The following LMNB1 variants were observed in gnomAD, a reference collection of about 807,000 sequenced individuals.
The protein encoded by LMNB1 is lamin-B1.
In LMNB1, 23 loss-of-function variants were observed where a neutral mutation model predicts 67.1. That is an observed-to-expected ratio of 0.34 (90% CI 0.25 to 0.49). The LOEUF is 0.49. Among genes scored for constraint, LMNB1 ranks in the 20% least tolerant of loss-of-function variants. LMNB1 has a pLI of 0.99. For synonymous variants in LMNB1, 281 were observed against 282.9 expected, an observed-to-expected ratio of 0.99 and a Z score of 0.07; for missense variants, 634 against 746.5, an observed-to-expected ratio of 0.85 and a Z score of 1.76.
At chr5:126,805,736 G>A in intron 3 of LMNB1, 40 bp downstream of exon 3, 1 of 1,441,530 alleles carries the variant, frequency 6.9e-7, no homozygotes, top group Non-Finnish European at 9.4e-7. Context: ...GAATGGAGGG[G>A]TTCTAGAATG....
At chr5:126,831,861 C>T (rs1752141925) in intron 9 of LMNB1, among the ~76,000 whole-genome samples, 1 of 152,056 alleles carries the variant, frequency 6.6e-6, no homozygotes, top group African/African-American at 2.4e-5. Flanking sequence ...GTACTTCCTC[C>T]CCTGCAGGAA....
At chr5:126,788,456 G>A (rs534069536) in intron 1 of LMNB1, among the ~76,000 whole-genome samples, 1 of 152,242 alleles carries the variant, frequency 6.6e-6, no homozygotes, top group South Asian at 2.1e-4. Context: ...GGGCAACATG[G>A]CGAAACCCCG....
intron 1 of LMNB1, among the ~76,000 whole-genome samples, chr5:126,791,036 T>C (rs1460752741): frequency 6.6e-6 from 1 of 151,454 alleles, no homozygotes; most frequent in African/African-American, 2.4e-5. Flanking sequence ...AATAAATAAA[T>C]AAACAAATAA....
intron 1 of LMNB1, among the ~76,000 whole-genome samples, chr5:126,799,314 G>A (rs1392306552): frequency 6.6e-6 from 1 of 152,192 alleles, no homozygotes; most frequent in East Asian, 1.9e-4. Context: ...GCCCGGCCGC[G>A]ATGCATTGAC....
intron 1 of LMNB1, among the ~76,000 whole-genome samples, chr5:126,785,739 A>C (rs62391737): frequency 0.58 from 72,560 of 125,726 alleles, 17,657 homozygotes; most frequent in Middle Eastern, 0.63. Context: ...TTAGGTTGGG[A>C]CCAGCGGCTC....
At chr5:126,823,331 A>G (rs1267416783) in intron 8 of LMNB1, among the ~76,000 whole-genome samples, 3 of 152,174 alleles carry the variant, frequency 2.0e-5, no homozygotes, top group Non-Finnish European at 2.9e-5. Flanking sequence ...GTTTTGAATA[A>G]AAGTCCTTAG....
At chr5:126,821,275 C>A in intron 7 of LMNB1, 140 bp downstream of exon 7, 3 of 594,826 alleles carry the variant, frequency 5.0e-6, no homozygotes, top group Non-Finnish European at 3.0e-6. Flanking sequence ...TACTTAAATT[C>A]ATAAAATAAA....
intron 8 of LMNB1, among the ~76,000 whole-genome samples, 167 bp from the exon 9 acceptor site, chr5:126,825,819 TGA>T (rs1751980768): frequency 6.6e-6 from 1 of 152,208 alleles, no homozygotes; most frequent in African/African-American, 2.4e-5. Context: ...GCTGAGGCCT[TGA>T]GAAGCTCTGT....
chr5:126,778,263 C>T (rs1463175468), intron 1 of LMNB1, among the ~76,000 whole-genome samples: 1 of 151,982 alleles, frequency 6.6e-6, no homozygotes, highest in East Asian at 2.0e-4. Flanking sequence ...GTGCGCGCCC[C>T]AGTTTCCGGC....
intron 1 of LMNB1, among the ~76,000 whole-genome samples, chr5:126,798,359 T>A (rs1474398310): frequency 6.8e-6 from 1 of 147,264 alleles, no homozygotes; most frequent in Admixed American, 6.8e-5. Flanking sequence ...CTGAGGCAGG[T>A]GAATGGCGTG....
In LMNB1 at chr5:126,810,334, A is replaced by G; in HGVS notation, c.797A>G (p.Gln266Arg). The G allele has an allele frequency of 1.2e-6, 2 of 1,607,030 alleles. No homozygotes were observed. The highest frequency in any genetic ancestry group is 1.1e-5 in the South Asian group (1 of 90,744). Residue 266 changes from glutamine (Q) to arginine (R), a missense_variant, in exon 4 of 11, where the codon CAG becomes CGG. Coordinates refer to ENST00000261366, the MANE Select transcript of LMNB1 (RefSeq NM_005573.4). Reference protein sequence around the residue: ...QVRLYKEELEQTYHAKLENAR... With the variant: ...QVRLYKEELERTYHAKLENAR... ...AGGCTGTATAAGGAGGAGCTGGAGC[A>G]GACTTACCATGCCAAAGTGAGCTCT...
chr5:126,834,704 G>A (rs569479634), intron 10 of LMNB1, among the ~76,000 whole-genome samples: 42 of 152,214 alleles, frequency 2.8e-4, no homozygotes, highest in African/African-American at 1.0e-3. Context: ...GTGAAACCCC[G>A]TCTCTACTAA....
chr5:126,777,785 C>A lies in LMNB1; in HGVS notation c.277C>A (p.Leu93Ile). 6.6e-7 allele frequency: 1 copy of A among 1,507,166 alleles called. No homozygotes were observed. The highest frequency in any genetic ancestry group is 1.2e-5 in the South Asian group (1 of 80,230). The allele number at this position is 1,507,166 out of a possible 1,614,324, so 93.4% of individuals were successfully genotyped here. ...ETELADARRA[L>I]DDTARERAKL... ...CGAGCTGGCCGACGCGCGACGCGCG[C>A]TCGACGACACGGCCCGCGAGCGCGC... Residue 93 changes from leucine (L) to isoleucine (I), a missense_variant, in exon 1 of 11, where the codon CTC (leucine) becomes ATC (isoleucine). By Grantham distance (5) the Leu-to-Ile change is conservative. Transcript: ENST00000261366.
chr5:126,824,068 A>G (rs569810787), intron 8 of LMNB1, among the ~76,000 whole-genome samples: 2 of 152,308 alleles, frequency 1.3e-5, no homozygotes, highest in Admixed American at 6.5e-5. Context: ...CTAGAGATCT[A>G]GTGGATAACT....
intron 1 of LMNB1, among the ~76,000 whole-genome samples, chr5:126,784,214 A>G (rs1257204795): frequency 1.4e-5 from 2 of 147,822 alleles, no homozygotes; most frequent in Non-Finnish European, 3.0e-5. Context: ...TTTTTAATAG[A>G]CTTGGGGTTT....
At chr5:126,805,504 AT>A in intron 2 of LMNB1, 66 bp from the exon 3 acceptor site, 1 of 1,040,956 alleles carries the variant, frequency 9.6e-7, no homozygotes, top group South Asian at 1.4e-5. Flanking sequence ...TGATTCATAG[AT>A]ATCTTATGTT....
intron 1 of LMNB1, among the ~76,000 whole-genome samples, chr5:126,792,567 ATTTTTTTTTTTTT>A (rs752371260): frequency 3.0e-5 from 3 of 99,154 alleles, no homozygotes; most frequent in Non-Finnish European, 5.9e-5. Flanking sequence ...AGCACTAGGG[ATTTTTTTTTTTTT>A]TTTTTTTTTT....
Position 126,801,829 on chromosome 5 carries a change from T to C in LMNB1, c.360-2947T>C, listed in dbSNP as rs371497357. Among the ~76,000 whole-genome samples the C allele has an allele frequency of 2.0e-5, 3 of 152,254 alleles. No homozygotes were observed. In the East Asian group the frequency reaches 5.8e-4, roughly 29 times the overall value. ...AGAAGTACCACATTATGACCTGAGC[T>C]TTAAAAATTACTGTTTGTAATTGTT... On this transcript the variant is annotated intron_variant, in intron 1 of 10. Transcript: ENST00000261366.
rs532525796 is a variant in LMNB1 at position 126,828,158 on chromosome 5, C to T, written c.1611+2051C>T. On this transcript the variant is annotated intron_variant, in intron 9 of 10. Coordinates refer to ENST00000261366, the MANE Select transcript of LMNB1 (RefSeq NM_005573.4). ...AAAAGTTCTGTTCATGGCCATCTTC[C>T]TGTCTATCCCTCACTGTAACCATGT... Among the ~76,000 whole-genome samples, 7 of 152,326 alleles carry T rather than the reference C, an allele frequency of 4.6e-5. No individual in the cohort carries two copies. In the East Asian group the frequency reaches 1.2e-3, roughly 25 times the overall value.
Sources: allele counts gnomAD v4.1 joint callset (sites outside exome capture counted in the v4.1 genomes callset), GRCh38; gene constraint gnomAD v4.1.1; transcripts MANE v1.5; gene names NCBI Gene and HGNC (gene_info 2026-07-23, HGNC 2026-07-21).